The following ITSN1 variants were observed in gnomAD, a reference collection of about 807,000 sequenced individuals.
ITSN1 encodes the protein intersectin-1.
ITSN1 carries 58 observed loss-of-function variants against 239.8 expected under a neutral mutation model. That is an observed-to-expected ratio of 0.24 (90% CI 0.20 to 0.30). ITSN1 has a LOEUF of 0.30. ITSN1 is among the 10% of genes least tolerant of loss of function. The pLI is 1.00. For missense variants in ITSN1, 1,558 were observed against 2,103.3 expected (o/e 0.74, Z 5.07); for synonymous variants, 780 against 770.8 (o/e 1.01, Z -0.20).
intron 22 of ITSN1, among the ~76,000 whole-genome samples, chr21:33,815,924 A>C (rs2148237566): frequency 6.6e-6 from 1 of 152,296 alleles, no homozygotes; most frequent in African/African-American, 2.4e-5. Flanking sequence ...GCGGTGGCTC[A>C]TGCCTGTTAT....
Position 33,889,873 on chromosome 21 carries a change from A to T in ITSN1, c.*1573A>T, listed in dbSNP as rs1310551278. On this transcript the variant is annotated 3_prime_UTR_variant, in exon 40 of 40. Coordinates refer to ENST00000381318, the MANE Select transcript of ITSN1 (RefSeq NM_003024.3). ...CGGTCATACTTCAAGCAATTTTTTT[A>T]AAAGTGTGTGTTGGAAAGGACAACA... The T allele has an allele frequency of 2.0e-5, 3 of 152,210 alleles. No individual in the cohort carries two copies. Among genetic ancestry groups the T allele is most frequent in the African/African-American group, 7.2e-5 (3 of 41,454 alleles). 9.4% of individuals were successfully genotyped at this position (152,210 alleles called of 1,614,324 possible). A position where few individuals can be genotyped will look rare whatever the true frequency, so the allele number is the denominator to read the frequency against.
chr21:33,860,540 C>T (rs1022799413), intron 31 of ITSN1, among the ~76,000 whole-genome samples: 1 of 152,146 alleles, frequency 6.6e-6, no homozygotes, highest in Non-Finnish European at 1.5e-5. Context: ...GAAGAAGCAG[C>T]CTCTTTCTTG....
chr21:33,733,514 G>A lies in ITSN1; in HGVS notation c.186-1530G>A, dbSNP rs114756613. 3.1e-3 allele frequency among the ~76,000 whole-genome samples: 465 copies of A among 152,086 alleles called. 3 individuals are homozygous for A. Among genetic ancestry groups the A allele is most frequent in the African/African-American group, 6.7e-3 (278 of 41,502 alleles). On this transcript the variant is annotated intron_variant, in intron 4 of 39. Coordinates refer to ENST00000381318, the MANE Select transcript of ITSN1 (RefSeq NM_003024.3). ...TACAAAAATTTAGAATTTTTATGCC[G>A]TACATATACATAAATCAACAAATAA...
At chr21:33,661,671 T>C (rs1249936953) in intron 1 of ITSN1, among the ~76,000 whole-genome samples, 1 of 152,182 alleles carries the variant, frequency 6.6e-6, no homozygotes, top group Non-Finnish European at 1.5e-5. Flanking sequence ...TCCCATGCGT[T>C]ATGGGAGGGA....
chr21:33,802,539 GTGT>G lies in ITSN1; in HGVS notation c.2319+101_2319+103del, dbSNP rs1185051273. Reference sequence around the variant, plus strand: ...TCTGTGTAAGTACACGTATCTCTGGGTGTTGTTGCGGCAGTAAAAATGTGTTTG... The same window carrying G: ...TCTGTGTAAGTACACGTATCTCTGGGTGTTGCGGCAGTAAAAATGTGTTTG... On this transcript the variant is annotated intron_variant, in intron 20 of 39. Transcript: ENST00000381318. 2.4e-6 allele frequency: 3 copies of G among 1,256,298 alleles called. No individual in the cohort carries two copies. In the African/African-American group the frequency reaches 4.5e-5, roughly 19 times the overall value. The allele number at this position is 1,256,298 out of a possible 1,614,324, so 77.8% of individuals were successfully genotyped here. A position where few individuals can be genotyped will look rare whatever the true frequency, so the allele number is the denominator to read the frequency against.
At chr21:33,832,124 A>C (rs1176311248) in intron 27 of ITSN1, among the ~76,000 whole-genome samples, 1 of 151,744 alleles carries the variant, frequency 6.6e-6, no homozygotes, top group Admixed American at 6.6e-5. Flanking sequence ...TGGCGTCTCC[A>C]CTCCAGCCTC....
At position 33,833,512 on chromosome 21, in the gene ITSN1, T is replaced by C. The variant is rs560141854; in HGVS notation, c.3352-795T>C. 2.5e-4 allele frequency among the ~76,000 whole-genome samples: 38 copies of C among 152,358 alleles called. No homozygotes were observed. In the South Asian group the frequency reaches 6.4e-3, roughly 26 times the overall value. On this transcript the variant is annotated intron_variant, in intron 27 of 39. Transcript: ENST00000381318. ...CAACTTTTCATCTGGAAATTGAGAA[T>C]AATAATACTATTATCCTTCTGGAAT...
At chr21:33,728,818 G>C (rs2065990636) in intron 4 of ITSN1, among the ~76,000 whole-genome samples, 1 of 152,140 alleles carries the variant, frequency 6.6e-6, no homozygotes, top group Non-Finnish European at 1.5e-5. Context: ...AAGCTCTGTG[G>C]TGCTAGGAAC....
At chr21:33,821,917 G>C (rs2073699606) in intron 24 of ITSN1, among the ~76,000 whole-genome samples, 1 of 152,218 alleles carries the variant, frequency 6.6e-6, no homozygotes, top group South Asian at 2.1e-4. Flanking sequence ...GTATGGAGAA[G>C]TCAGAAAAAT....
chr21:33,794,478 C>T lies in ITSN1; in HGVS notation c.1952+10C>T, dbSNP rs201226616. On this transcript the variant is annotated intron_variant, in intron 17 of 39. Coordinates refer to ENST00000381318, the MANE Select transcript of ITSN1 (RefSeq NM_003024.3). Reference sequence around the variant, plus strand: ...AAGAAGAAGCCCAAAGGTGAGTCTTCTTTGGATTGTGGACTCATCTGGAAG... The same window carrying T: ...AAGAAGAAGCCCAAAGGTGAGTCTTTTTTGGATTGTGGACTCATCTGGAAG... The T allele has an allele frequency of 3.9e-4, 632 of 1,607,228 alleles. 1 individual carries two copies. Among genetic ancestry groups the T allele is most frequent in the Non-Finnish European group, 5.1e-4 (602 of 1,178,124 alleles).
intron 5 of ITSN1, among the ~76,000 whole-genome samples, chr21:33,749,599 G>A (rs147265375): frequency 0.023 from 3,498 of 151,040 alleles, 140 homozygotes; most frequent in African/African-American, 0.081. Context: ...CCAAGATCAC[G>A]CCACTGCACT....
chr21:33,668,286 A>G (rs1039845819), intron 1 of ITSN1, among the ~76,000 whole-genome samples: 1 of 152,242 alleles, frequency 6.6e-6, no homozygotes, highest in African/African-American at 2.4e-5. Flanking sequence ...TAGGATTCAT[A>G]TTATTGAAAC....
intron 11 of ITSN1, among the ~76,000 whole-genome samples, chr21:33,770,126 C>T (rs942017766): frequency 1.3e-5 from 2 of 149,800 alleles, no homozygotes; most frequent in African/African-American, 4.9e-5. Context: ...TGCAGTGGCG[C>T]GATCTTGGCT....
chr21:33,712,660 G>A (rs2092448177), intron 1 of ITSN1, among the ~76,000 whole-genome samples: 3 of 152,130 alleles, frequency 2.0e-5, no homozygotes, highest in African/African-American at 7.2e-5. Flanking sequence ...GTGCTTCACT[G>A]CATAGCTCCC....
At chr21:33,676,876 A>G (rs967470622) in intron 1 of ITSN1, among the ~76,000 whole-genome samples, 4 of 152,060 alleles carry the variant, frequency 2.6e-5, no homozygotes, top group African/African-American at 9.7e-5. Context: ...GCTGCATAGT[A>G]TTTCATGGTG....
At position 33,896,821 on chromosome 21, in the gene ITSN1, A is replaced by G. The variant is rs928247012; in HGVS notation, c.*8521A>G. 1.3e-5 allele frequency: 2 copies of G among 152,252 alleles called. No homozygotes were observed. Among genetic ancestry groups the G allele is most frequent in the African/African-American group, 2.4e-5 (1 of 41,468 alleles). The allele number at this position is 152,252 out of a possible 1,614,324, so 9.4% of individuals were successfully genotyped here. ...TGCAAGTAGGTCCCCATCTCCATAT[A>G]CATTGAGCAATAATCCTCACTATGT... is the stretch of plus-strand genomic sequence containing the variant. On this transcript the variant is annotated 3_prime_UTR_variant, in exon 40 of 40. Transcript: ENST00000381318.
At chr21:33,819,149 A>G (rs2073485330) in intron 23 of ITSN1, 92 bp from the exon 24 acceptor site, 1 of 967,356 alleles carries the variant, frequency 1.0e-6, no homozygotes, top group African/African-American at 1.6e-5. Flanking sequence ...TAAAGTTTTA[A>G]AAGTTAAGCA....
intron 22 of ITSN1, among the ~76,000 whole-genome samples, chr21:33,814,955 C>T (rs1021547499): frequency 2.0e-5 from 3 of 151,822 alleles, no homozygotes; most frequent in Non-Finnish European, 2.9e-5. Context: ...CTATGGGAGC[C>T]GAAGGAAAGG....
At chr21:33,709,862 G>A (rs2092361779) in intron 1 of ITSN1, among the ~76,000 whole-genome samples, 2 of 151,948 alleles carry the variant, frequency 1.3e-5, no homozygotes, top group Non-Finnish European at 2.9e-5. Flanking sequence ...TTTTTTGCTT[G>A]TTGTTTTTCT....
Sources: allele counts gnomAD v4.1 joint callset (sites outside exome capture counted in the v4.1 genomes callset), GRCh38; gene constraint gnomAD v4.1.1; transcripts MANE v1.5; gene names NCBI Gene and HGNC (gene_info 2026-07-23, HGNC 2026-07-21).